The following DNAJC24 variants were observed in gnomAD, a reference collection of about 807,000 sequenced individuals.
The protein encoded by DNAJC24 is dnaJ homolog subfamily C member 24.
In DNAJC24, 17 loss-of-function variants were observed where a neutral mutation model predicts 18.0. The ratio of observed to expected loss-of-function variants is 0.94; its 90% CI spans 0.65 to 1.42. The LOEUF is 1.42. DNAJC24 is among the 40% of genes most tolerant of loss of function. DNAJC24 has a pLI of 0.00. For missense variants in DNAJC24, 158 were observed against 175.6 expected, an observed-to-expected ratio of 0.90 and a Z score of 0.57; for synonymous variants, 55 against 57.7, an observed-to-expected ratio of 0.95 and a Z score of 0.21.
At chr11:31,382,659 TCCCTACTCTCACA>T (rs915223601) in intron 2 of DNAJC24, among the ~76,000 whole-genome samples, 1 of 152,202 alleles carries the variant, frequency 6.6e-6, no homozygotes, top group African/African-American at 2.4e-5. Flanking sequence ...CAAAGTGTTT[TCCCTACTCTCACA>T]CACCACTCAA....
chr11:31,370,326 T>A (rs953091472), intron 1 of DNAJC24, among the ~76,000 whole-genome samples: 1 of 152,186 alleles, frequency 6.6e-6, no homozygotes, highest in Non-Finnish European at 1.5e-5. Context: ...GCTTTTTTTT[T>A]ATTCGTTCAT....
intron 2 of DNAJC24, among the ~76,000 whole-genome samples, chr11:31,384,196 T>C (rs1041853188): frequency 6.6e-6 from 1 of 152,170 alleles, no homozygotes; most frequent in Non-Finnish European, 1.5e-5. Context: ...GTGGAGGAAG[T>C]CTACCTCCCA....
At chr11:31,411,912 G>C (rs934491803) in intron 2 of DNAJC24, among the ~76,000 whole-genome samples, 1 of 152,138 alleles carries the variant, frequency 6.6e-6, no homozygotes, top group African/African-American at 2.4e-5. Flanking sequence ...GCAAGTTGCT[G>C]TCAAAACACA....
intron 2 of DNAJC24, among the ~76,000 whole-genome samples, chr11:31,386,246 C>T (rs1026219748): frequency 2.0e-4 from 30 of 151,776 alleles, no homozygotes; most frequent in African/African-American, 7.3e-4. Context: ...TCCACGTGAC[C>T]TGATGAGATA....
Position 31,375,694 on chromosome 11 carries a change from G to A in DNAJC24, c.111+4835G>A, listed in dbSNP as rs187560646. ...GAAGGAAGAAAAGATAGTTGCAATA[G>A]CCGGTTTATTTGTAGGTTTGGTAGC... is the stretch of plus-strand genomic sequence containing the variant. On this transcript the variant is annotated intron_variant, in intron 2 of 4. Coordinates refer to ENST00000465995, the MANE Select transcript of DNAJC24 (RefSeq NM_181706.5). 1.2e-4 allele frequency among the ~76,000 whole-genome samples: 16 copies of A among 135,160 alleles called. 3 individuals are homozygous for A. Among genetic ancestry groups the A allele is most frequent in the South Asian group, 2.5e-4 (1 of 3,946 alleles). 88.7% of individuals were successfully genotyped at this position (135,160 alleles called of 152,430 possible).
intron 2 of DNAJC24, among the ~76,000 whole-genome samples, chr11:31,377,674 C>T (rs1375709619): frequency 6.6e-6 from 1 of 151,914 alleles, no homozygotes; most frequent in African/African-American, 2.4e-5. Flanking sequence ...GTATTTTTTG[C>T]AGTTATGCAT....
At chr11:31,414,741 C>T (rs1225081115) in intron 2 of DNAJC24, 70 bp from the exon 3 acceptor site, 4 of 1,464,178 alleles carry the variant, frequency 2.7e-6, no homozygotes, top group African/African-American at 1.4e-5. Flanking sequence ...CTCAGATTTA[C>T]AATTTTTTTA....
chr11:31,406,244 A>G (rs1336302292), intron 2 of DNAJC24, among the ~76,000 whole-genome samples: 1 of 152,200 alleles, frequency 6.6e-6, no homozygotes. Flanking sequence ...TTTCAATGTA[A>G]TAGAATGACA....
chr11:31,402,100 A>G (rs966438313), intron 2 of DNAJC24, among the ~76,000 whole-genome samples: 3 of 152,186 alleles, frequency 2.0e-5, no homozygotes, highest in Non-Finnish European at 2.9e-5. Flanking sequence ...TAAGCCATCC[A>G]TATATAGACG....
intron 2 of DNAJC24, among the ~76,000 whole-genome samples, chr11:31,386,913 A>T (rs146349039): frequency 5.2e-4 from 79 of 151,936 alleles, no homozygotes; most frequent in Middle Eastern, 3.4e-3. Flanking sequence ...CCCCAAGCTG[A>T]CTGAAGAGTC....
At chr11:31,372,134 T>C (rs1952271027) in intron 2 of DNAJC24, among the ~76,000 whole-genome samples, 1 of 152,148 alleles carries the variant, frequency 6.6e-6, no homozygotes, top group African/African-American at 2.4e-5. Flanking sequence ...ACTCTTTTTT[T>C]TTTAAATGAA....
intron 2 of DNAJC24, among the ~76,000 whole-genome samples, chr11:31,402,590 C>T (rs1345909359): frequency 1.3e-5 from 2 of 152,158 alleles, no homozygotes; most frequent in Non-Finnish European, 1.5e-5. Context: ...CTAACTCCAG[C>T]GTCAACCTCC....
chr11:31,400,237 A>T (rs1952587452), intron 2 of DNAJC24, among the ~76,000 whole-genome samples: 1 of 152,174 alleles, frequency 6.6e-6, no homozygotes, highest in Non-Finnish European at 1.5e-5. Context: ...ATGTGTCTTT[A>T]TAGCAGAATG....
intron 2 of DNAJC24, among the ~76,000 whole-genome samples, chr11:31,402,667 C>T (rs1362515619): frequency 6.6e-6 from 1 of 152,046 alleles, no homozygotes; most frequent in Non-Finnish European, 1.5e-5. Context: ...TGCCACCATG[C>T]CTAGCTAATC....
chr11:31,373,289 C>CT (rs1341401324), intron 2 of DNAJC24, among the ~76,000 whole-genome samples: 3 of 134,568 alleles, frequency 2.2e-5, no homozygotes, highest in African/African-American at 7.4e-5. Context: ...TGGTCATTTG[C>CT]TTTTACCTTT....
chr11:31,420,590 G>C (rs1952794591), intron 3 of DNAJC24, among the ~76,000 whole-genome samples: 1 of 152,140 alleles, frequency 6.6e-6, no homozygotes. Context: ...GATAACAGCA[G>C]TTTAAAAATA....
At chr11:31,378,633 G>A (rs1376295156) in intron 2 of DNAJC24, among the ~76,000 whole-genome samples, 2 of 151,914 alleles carry the variant, frequency 1.3e-5, no homozygotes, top group African/African-American at 4.8e-5. Context: ...AAAAAAGCAG[G>A]CAGTCAGTTA....
At chr11:31,379,540 AC>A (rs1168937823) in intron 2 of DNAJC24, among the ~76,000 whole-genome samples, 1 of 152,200 alleles carries the variant, frequency 6.6e-6, no homozygotes, top group African/African-American at 2.4e-5. Context: ...ACTTTTGGCA[AC>A]CCAAGATTGG....
chr11:31,395,037 C>T (rs1952532035), intron 2 of DNAJC24, among the ~76,000 whole-genome samples: 1 of 152,170 alleles, frequency 6.6e-6, no homozygotes, highest in East Asian at 1.9e-4. Context: ...TTCCCACCCT[C>T]CACTCTCAAG....
Sources: gnomAD v4.1 joint callset for allele counts (sites outside exome capture counted in the v4.1 genomes callset) on GRCh38, gnomAD v4.1.1 for gene constraint, MANE v1.5 for transcripts, NCBI Gene and HGNC (gene_info 2026-07-23, HGNC 2026-07-21) for gene names.